The following TOX variants were observed in gnomAD, a reference collection of about 807,000 sequenced individuals.
TOX encodes the protein thymocyte selection-associated high mobility group box protein TOX.
Under a neutral mutation model 53.7 loss-of-function variants are expected in TOX, and 11 were observed. The observed-to-expected ratio is 0.20, with a 90% CI of 0.13 to 0.34. TOX has a LOEUF of 0.34. Among genes scored for constraint, TOX ranks in the 10% least tolerant of loss-of-function variants. TOX has a pLI of 1.00. For missense variants in TOX, 570 were observed against 664.6 expected (o/e 0.86, Z 1.56); for synonymous variants, 225 against 245.3 (o/e 0.92, Z 0.77).
At chr8:58,965,618 G>A (rs114300455) in intron 1 of TOX, among the ~76,000 whole-genome samples, 5,292 of 152,166 alleles carry the variant, frequency 0.035, 253 homozygotes, top group African/African-American at 0.1. Flanking sequence ...AACTGCTGCT[G>A]AGGGGGAAAA....
chr8:58,849,146 C>G (rs1810767006), intron 4 of TOX, among the ~76,000 whole-genome samples: 1 of 151,978 alleles, frequency 6.6e-6, no homozygotes, highest in South Asian at 2.1e-4. Context: ...AATAATATAA[C>G]TCAAATAAAT....
chr8:58,829,751 G>A (rs1810422218), intron 5 of TOX, among the ~76,000 whole-genome samples: 1 of 152,074 alleles, frequency 6.6e-6, no homozygotes, highest in Non-Finnish European at 1.5e-5. Context: ...GGAAATGTCT[G>A]AAGAAAGGCC....
chr8:59,088,313 G>C (rs1170086742), intron 1 of TOX, among the ~76,000 whole-genome samples: 2 of 152,094 alleles, frequency 1.3e-5, no homozygotes, highest in Non-Finnish European at 2.9e-5. Flanking sequence ...ATTATGCTTT[G>C]TATGCTTACG....
At chr8:58,909,458 G>A (rs1436181158) in intron 3 of TOX, among the ~76,000 whole-genome samples, 1 of 152,062 alleles carries the variant, frequency 6.6e-6, no homozygotes, top group Non-Finnish European at 1.5e-5. Context: ...AAGATCACTT[G>A]GTGATTTGTA....
At chr8:58,868,977 A>C (rs1456421291) in intron 3 of TOX, among the ~76,000 whole-genome samples, 1 of 152,028 alleles carries the variant, frequency 6.6e-6, no homozygotes, top group East Asian at 1.9e-4. Context: ...TACCAATATC[A>C]GAAATGAAAG....
intron 1 of TOX, among the ~76,000 whole-genome samples, chr8:59,047,576 T>C (rs116472371): frequency 0.016 from 2,458 of 151,544 alleles, 68 homozygotes; most frequent in African/African-American, 0.056. Context: ...TTTTTTTTTT[T>C]CCTAGAGACG....
intron 1 of TOX, among the ~76,000 whole-genome samples, chr8:59,071,992 A>G (rs1455744361): frequency 6.6e-6 from 1 of 152,222 alleles, no homozygotes; most frequent in African/African-American, 2.4e-5. Context: ...ATATAAAGTT[A>G]AAATATCGAA....
intron 1 of TOX, among the ~76,000 whole-genome samples, chr8:59,099,905 T>C (rs1276819934): frequency 6.6e-6 from 1 of 152,196 alleles, no homozygotes; most frequent in African/African-American, 2.4e-5. Flanking sequence ...CTGGCTATTT[T>C]AAAAGAATAT....
intron 1 of TOX, among the ~76,000 whole-genome samples, chr8:59,025,505 C>T (rs13259711): frequency 5.8e-3 from 883 of 152,162 alleles, no homozygotes; most frequent in Non-Finnish European, 9.1e-3. Flanking sequence ...CACATAGGAC[C>T]TTCAAGCATA....
chr8:58,940,339 G>GT lies in TOX; in HGVS notation c.169-796dup, dbSNP rs796752925. Among the ~76,000 whole-genome samples, 399 of 146,916 alleles carry GT rather than the reference G, an allele frequency of 2.7e-3. 1 individual carries two copies. Among genetic ancestry groups the GT allele is most frequent in the South Asian group, 6.1e-3 (28 of 4,616 alleles). ...AAATAAATAGCATTAACATATGTGG[G>GT]TTTTTTTTTTTCTTTTACAAACTAG... On this transcript the variant is annotated intron_variant, in intron 2 of 8. Transcript: ENST00000361421.
At chr8:58,963,310 T>TAG (rs1563402343) in intron 1 of TOX, among the ~76,000 whole-genome samples, 21 of 85,166 alleles carry the variant, frequency 2.5e-4, no homozygotes, top group African/African-American at 8.3e-4. Context: ...TAGATAGATA[T>TAG]ATATATAGAT....
chr8:59,020,238 G>A (rs1029478199), intron 1 of TOX, among the ~76,000 whole-genome samples: 9 of 152,188 alleles, frequency 5.9e-5, no homozygotes, highest in East Asian at 3.8e-4. Flanking sequence ...TGTTTTTAAT[G>A]TGAAAACTGC....
chr8:59,116,174 A>T (rs1444616459), intron 1 of TOX, among the ~76,000 whole-genome samples: 1 of 152,204 alleles, frequency 6.6e-6, no homozygotes, highest in African/African-American at 2.4e-5. Context: ...AACTTTAAAT[A>T]AGCAAAGTGT....
intron 3 of TOX, among the ~76,000 whole-genome samples, chr8:58,912,799 G>A (rs1323228978): frequency 6.6e-6 from 1 of 152,086 alleles, no homozygotes; most frequent in Non-Finnish European, 1.5e-5. Context: ...ACAAACACAT[G>A]CTCTCCTATC....
intron 1 of TOX, among the ~76,000 whole-genome samples, chr8:59,021,836 C>A (rs533860960): frequency 6.6e-6 from 1 of 152,106 alleles, no homozygotes; most frequent in African/African-American, 2.4e-5. Flanking sequence ...TTAACTTTTC[C>A]TGAAACTTTC....
At chr8:58,853,385 T>C (rs1337864053) in intron 3 of TOX, among the ~76,000 whole-genome samples, 4 of 152,154 alleles carry the variant, frequency 2.6e-5, no homozygotes, top group Non-Finnish European at 5.9e-5. Context: ...CAATGGTGCA[T>C]GCAAGAGCTG....
chr8:59,075,859 G>A (rs1804283784), intron 1 of TOX, among the ~76,000 whole-genome samples: 1 of 152,184 alleles, frequency 6.6e-6, no homozygotes, highest in South Asian at 2.1e-4. Flanking sequence ...TGCAAAATTA[G>A]CCAGGCGTGG....
At chr8:58,833,546 C>T (rs1259996426) in intron 5 of TOX, among the ~76,000 whole-genome samples, 1 of 152,146 alleles carries the variant, frequency 6.6e-6, no homozygotes, top group Non-Finnish European at 1.5e-5. Flanking sequence ...GCTCAAACTC[C>T]TAGGATCCTA....
intron 6 of TOX, among the ~76,000 whole-genome samples, chr8:58,822,477 G>A (rs1585844193): frequency 1.3e-5 from 2 of 152,184 alleles, no homozygotes; most frequent in Non-Finnish European, 2.9e-5. Flanking sequence ...ATTCTGATAT[G>A]CTTGTACAGC....
Sources: allele counts gnomAD v4.1 joint callset (sites outside exome capture counted in the v4.1 genomes callset), GRCh38; gene constraint gnomAD v4.1.1; transcripts MANE v1.5; gene names NCBI Gene and HGNC (gene_info 2026-07-23, HGNC 2026-07-21).